The following NR2C1 variants were observed in gnomAD, a reference collection of about 807,000 sequenced individuals.
NR2C1 encodes nuclear receptor subfamily 2 group C member 1.
A neutral mutation model predicts 74.8 loss-of-function variants in NR2C1; 33 were observed. That is an observed-to-expected ratio of 0.44 (90% CI 0.33 to 0.59). The LOEUF is 0.59. NR2C1 is among the 20% of genes least tolerant of loss of function. The pLI is 0.02. For missense variants in NR2C1, 568 were observed against 715.6 expected, an observed-to-expected ratio of 0.79 and a Z score of 2.35; for synonymous variants, 225 against 240.6, an observed-to-expected ratio of 0.94 and a Z score of 0.60.
intron 7 of NR2C1, 23 bp downstream of exon 7, chr12:95,057,530 G>A (rs1874096072): frequency 6.6e-7 from 1 of 1,517,706 alleles, no homozygotes; most frequent in Non-Finnish European, 9.0e-7. Flanking sequence ...AATTATCTAA[G>A]CTTTAAATTG....
intron 10 of NR2C1, among the ~76,000 whole-genome samples, chr12:95,038,244 C>T (rs746777949): frequency 2.0e-5 from 3 of 152,126 alleles, no homozygotes; most frequent in Non-Finnish European, 2.9e-5. Context: ...TCAACATCTG[C>T]GTTATTTCCA....
Position 95,057,790 on chromosome 12 carries a change from C to T in NR2C1, c.633G>A (p.Lys211=), listed in dbSNP as rs1256291159. 6.2e-7 allele frequency: 1 copy of T among 1,614,000 alleles called. No individual in the cohort carries two copies. Among genetic ancestry groups the T allele is most frequent in the Non-Finnish European group, 8.5e-7 (1 of 1,180,016 alleles). The change falls in exon 6 of 14, where the codon AAG becomes AAA. Residue 211 remains lysine, a synonymous_variant. Transcript: ENST00000333003. The stretch of plus-strand genomic sequence containing the variant: ...TTGCAGTTAATGGGCTACGAAGGTC[C>T]TTTCGGATATAGATTTTTTCTGTTG... ...AASTEKIYIR[K]DLRSPLTATP...
At chr12:95,070,322 G>C (rs1359310160) in intron 1 of NR2C1, among the ~76,000 whole-genome samples, 1 of 151,978 alleles carries the variant, frequency 6.6e-6, no homozygotes, top group Non-Finnish European at 1.5e-5. Flanking sequence ...AGTAGAGAAA[G>C]GGTTTCACCA....
chr12:95,025,835 C>G (rs1327637554), intron 12 of NR2C1, among the ~76,000 whole-genome samples: 1 of 151,398 alleles, frequency 6.6e-6, no homozygotes, highest in Non-Finnish European at 1.5e-5. Flanking sequence ...ACAGCTTTCT[C>G]TCCATTCCAA....
rs550069594 is a variant in NR2C1, at chr12:95,053,681, G to GTTTTTTTTTTT, written c.784-1749_784-1739dup. Among the ~76,000 whole-genome samples, 254 of 103,370 alleles carry GTTTTTTTTTTT rather than the reference G, an allele frequency of 2.5e-3. 11 individuals carry two copies. Among genetic ancestry groups the GTTTTTTTTTTT allele is most frequent in the African/African-American group, 9.8e-3 (244 of 24,966 alleles). 67.8% of individuals were successfully genotyped at this position (103,370 alleles called of 152,430 possible). On this transcript the variant is annotated intron_variant, in intron 7 of 13. Coordinates refer to ENST00000333003, the MANE Select transcript of NR2C1 (RefSeq NM_003297.4). ...TTCTTCATGGTTTTTTCTTTTTGGT[G>GTTTTTTTTTTT]TTTTTTTTTTTTTTTTTTTTTGAGA...
intron 2 of NR2C1, among the ~76,000 whole-genome samples, chr12:95,063,115 AAAT>A (rs1242917216): frequency 5.9e-5 from 9 of 152,244 alleles, no homozygotes; most frequent in Admixed American, 2.0e-4. Flanking sequence ...ATAAATAAGC[AAAT>A]AATAATATTG....
rs377594230 is a variant in NR2C1 at position 95,062,633 on chromosome 12, G to C, written c.160C>G (p.Pro54Ala). ...FILTNHDGST[P>A]SKVILARQDS... ...TGCCTGGCCAGAATGACTTTGCTTGGAGTAGAGCCGTCGTGATTTGTCAGA... is the reference window on the plus strand; with the variant it reads ...TGCCTGGCCAGAATGACTTTGCTTGCAGTAGAGCCGTCGTGATTTGTCAGA... Residue 54 changes from proline (P) to alanine (A), a missense_variant, in exon 3 of 14, where the codon CCA (proline) becomes GCA (alanine). Transcript: ENST00000333003. The C allele has an allele frequency of 5.6e-6, 9 of 1,614,122 alleles. No individual in the cohort carries two copies. The highest frequency in any genetic ancestry group is 6.8e-6 in the Non-Finnish European group (8 of 1,180,000).
chr12:95,047,322 C>T (rs1359040218), intron 9 of NR2C1, among the ~76,000 whole-genome samples: 3 of 152,020 alleles, frequency 2.0e-5, no homozygotes, highest in Non-Finnish European at 4.4e-5. Flanking sequence ...CTGATTATTC[C>T]AATTACTTTT....
At chr12:95,066,288 GC>G (rs1169026082) in intron 2 of NR2C1, among the ~76,000 whole-genome samples, 1 of 152,190 alleles carries the variant, frequency 6.6e-6, no homozygotes, top group Non-Finnish European at 1.5e-5. Flanking sequence ...AACTGCTTGA[GC>G]CCAGGAGCTC....
chr12:95,069,744 A>T (rs1055440789), intron 1 of NR2C1, among the ~76,000 whole-genome samples: 5 of 152,144 alleles, frequency 3.3e-5, no homozygotes, highest in Non-Finnish European at 7.4e-5. Context: ...CTGAAAAAAA[A>T]TGCTTTTAAA....
chr12:95,061,557 AT>A (rs1874785035), intron 3 of NR2C1, among the ~76,000 whole-genome samples: 1 of 152,184 alleles, frequency 6.6e-6, no homozygotes, highest in Non-Finnish European at 1.5e-5. Flanking sequence ...CTGTGACTGT[AT>A]CCACTTTCTA....
chr12:95,029,841 G>C (rs1869841765), intron 11 of NR2C1, among the ~76,000 whole-genome samples: 1 of 152,224 alleles, frequency 6.6e-6, no homozygotes, highest in Non-Finnish European at 1.5e-5. Flanking sequence ...ACAGGCGTGA[G>C]CTACCGCGCC....
At chr12:95,037,326 TA>T (rs764785145) in intron 10 of NR2C1, among the ~76,000 whole-genome samples, 70 of 152,218 alleles carry the variant, frequency 4.6e-4, no homozygotes, top group Non-Finnish European at 5.4e-4. Context: ...CTACAAATCT[TA>T]AAACAGAAAA....
intron 7 of NR2C1, among the ~76,000 whole-genome samples, chr12:95,055,671 C>T (rs926590199): frequency 6.6e-6 from 1 of 151,898 alleles, no homozygotes; most frequent in Admixed American, 6.6e-5. Flanking sequence ...AATCAGATCC[C>T]GGCCGGGCGC....
In NR2C1 at chr12:95,048,917, C is replaced by T. The variant is rs976020638; in HGVS notation, c.1131+151G>A. 3.6e-5 allele frequency: 26 copies of T among 728,958 alleles called. No homozygotes were observed. In the Admixed American group the frequency reaches 7.0e-4, roughly 20 times the overall value. The allele number at this position is 728,958 out of a possible 1,614,324, so 45.2% of individuals were successfully genotyped here. A position where few individuals can be genotyped will look rare whatever the true frequency, so the allele number is the denominator to read the frequency against. On this transcript the variant is annotated intron_variant, in intron 9 of 13. Coordinates refer to ENST00000333003, the MANE Select transcript of NR2C1 (RefSeq NM_003297.4). ...AGGATTACAGGCATAAGCCACTGTG[C>T]CTGGCCCAGATGAGTGTTTTAGCTG...
chr12:95,032,722 C>T (rs761968436), intron 10 of NR2C1, among the ~76,000 whole-genome samples: 4 of 152,120 alleles, frequency 2.6e-5, no homozygotes, highest in Non-Finnish European at 5.9e-5. Flanking sequence ...AATCCCAGCA[C>T]TTCGGGAGGC....
chr12:95,058,004 C>T lies in NR2C1; in HGVS notation c.545-126G>A, dbSNP rs967050470. On this transcript the variant is annotated intron_variant, in intron 5 of 13. Coordinates refer to ENST00000333003, the MANE Select transcript of NR2C1 (RefSeq NM_003297.4). ...CTACCATACTAAACTCCAAAGATAA[C>T]CATCAATCTTTAGAAATTATGTGCA... is the stretch of plus-strand genomic sequence containing the variant. 3 of 853,616 alleles carry T rather than the reference C, an allele frequency of 3.5e-6. No homozygotes were observed. The African/African-American group carries it at 5.1e-5, about 14-fold the overall frequency. 52.9% of individuals were successfully genotyped at this position (853,616 alleles called of 1,614,324 possible). A position where few individuals can be genotyped will look rare whatever the true frequency, so the allele number is the denominator to read the frequency against.
At chr12:95,058,563 C>T in intron 4 of NR2C1, 74 bp from the exon 5 acceptor site, 3 of 1,174,836 alleles carry the variant, frequency 2.6e-6, no homozygotes, top group Non-Finnish European at 2.4e-6. Flanking sequence ...CCAATTTCTT[C>T]CCTTTAAACA....
chr12:95,049,043 A>G, intron 9 of NR2C1, 25 bp downstream of exon 9: 1 of 1,602,360 alleles, frequency 6.2e-7, no homozygotes, highest in Non-Finnish European at 8.5e-7. Flanking sequence ...ACAACATACA[A>G]GTTAAAAAAA....
Sources: gnomAD v4.1 joint callset for allele counts (sites outside exome capture counted in the v4.1 genomes callset) on GRCh38, gnomAD v4.1.1 for gene constraint, MANE v1.5 for transcripts, NCBI Gene and HGNC (gene_info 2026-07-23, HGNC 2026-07-21) for gene names.